EEIG2: variants seen among roughly 807,000 people sequenced by gnomAD.
EEIG2 encodes family with sequence similarity 102 member B.
chr1:108,588,787 C>A, the EEIG2 span, among the ~76,000 whole-genome samples: 2 of 149,868 alleles, frequency 1.3e-5, no homozygotes, highest in Non-Finnish European at 3.0e-5. Flanking sequence ...GGATATTAAC[C>A]CCTTATCAGC....
At chr1:108,605,264 A>G in the EEIG2 span, among the ~76,000 whole-genome samples, 1 of 152,206 alleles carries the variant, frequency 6.6e-6, no homozygotes, top group African/African-American at 2.4e-5. Flanking sequence ...ACTATTAAGG[A>G]ATATAACAGT....
chr1:108,560,394 C>G, the EEIG2 span: 1 of 1,536,980 alleles, frequency 6.5e-7, no homozygotes, highest in East Asian at 2.5e-5. Context: ...CGGCGCCCGG[C>G]CGTGCGCCCA....
At chr1:108,562,734 AGAG>A in the EEIG2 span, among the ~76,000 whole-genome samples, 1 of 152,340 alleles carries the variant, frequency 6.6e-6, no homozygotes, top group South Asian at 2.1e-4. Context: ...TGGCATTTAA[AGAG>A]GAGACCAGGA....
the EEIG2 span, among the ~76,000 whole-genome samples, chr1:108,589,463 G>A: frequency 6.6e-6 from 1 of 152,116 alleles, no homozygotes; most frequent in South Asian, 2.1e-4. Context: ...ACTTGCTAGT[G>A]TTATTAGTGA....
the EEIG2 span, among the ~76,000 whole-genome samples, chr1:108,569,198 G>T: frequency 1.3e-5 from 2 of 152,162 alleles, no homozygotes; most frequent in Non-Finnish European, 2.9e-5. Context: ...AAACAAATAA[G>T]TTCTAACATT....
the EEIG2 span, among the ~76,000 whole-genome samples, chr1:108,579,922 C>G: frequency 6.6e-6 from 1 of 152,000 alleles, no homozygotes; most frequent in African/African-American, 2.4e-5. Context: ...ATGCCACCAC[C>G]CCCAGATAAT....
chr1:108,572,473 A>G, the EEIG2 span, among the ~76,000 whole-genome samples: 2 of 151,532 alleles, frequency 1.3e-5, no homozygotes. Flanking sequence ...GGTGTTGTAC[A>G]TTCTAGGGGG....
chr1:108,600,473 T>G, the EEIG2 span: 3 of 1,408,952 alleles, frequency 2.1e-6, no homozygotes, highest in Non-Finnish European at 2.9e-6. Flanking sequence ...ACACATTACT[T>G]TTGCATGTTA....
chr1:108,579,772 T>TGAGATAGAGAGAGAGAGAGAGAGAGA, the EEIG2 span, among the ~76,000 whole-genome samples: 1 of 58,822 alleles, frequency 1.7e-5, no homozygotes, highest in Non-Finnish European at 3.3e-5. Flanking sequence ...TGTGTGTGTG[T>TGAGATAGAGAGAGAGAGAGAGAGAGA]GAGAGAGAGA....
At chr1:108,629,492 TAAAC>T in the EEIG2 span, 7 of 891,030 alleles carry the variant, frequency 7.9e-6, no homozygotes, top group South Asian at 1.9e-5. Flanking sequence ...ATTTCTCTAA[TAAAC>T]AATTGTAAAA....
the EEIG2 span, among the ~76,000 whole-genome samples, chr1:108,576,148 C>T: frequency 6.6e-6 from 1 of 152,130 alleles, no homozygotes; most frequent in Non-Finnish European, 1.5e-5. Flanking sequence ...TGCCTGGCTC[C>T]TAATAAAGCT....
chr1:108,635,289 G>T, the EEIG2 span: 3 of 1,077,042 alleles, frequency 2.8e-6, no homozygotes, highest in African/African-American at 4.7e-5. Flanking sequence ...TTCTCTGGAA[G>T]GACCCACCGC....
At chr1:108,578,632 G>A in the EEIG2 span, among the ~76,000 whole-genome samples, 1 of 151,810 alleles carries the variant, frequency 6.6e-6, no homozygotes, top group Non-Finnish European at 1.5e-5. Flanking sequence ...ACCCAGCCTT[G>A]CATCCCAGAT....
chr1:108,593,154 C>T, the EEIG2 span, among the ~76,000 whole-genome samples: 2 of 151,970 alleles, frequency 1.3e-5, no homozygotes, highest in Non-Finnish European at 1.5e-5. Context: ...GAGACTCTGT[C>T]TCCAAAAAAA....
chr1:108,633,191 CTG>C, the EEIG2 span, among the ~76,000 whole-genome samples: 17 of 152,262 alleles, frequency 1.1e-4, no homozygotes, highest in African/African-American at 2.6e-4. Context: ...CTGTTGACCT[CTG>C]TAAGTCTCAG....
chr1:108,616,995 G>T, the EEIG2 span, among the ~76,000 whole-genome samples: 1 of 152,178 alleles, frequency 6.6e-6, no homozygotes, highest in Non-Finnish European at 1.5e-5. Flanking sequence ...TATTTGAGTA[G>T]AGACCTGAAG....
At chr1:108,571,916 G>A in the EEIG2 span, among the ~76,000 whole-genome samples, 1 of 151,934 alleles carries the variant, frequency 6.6e-6, no homozygotes, top group African/African-American at 2.4e-5. Flanking sequence ...CTGTATCTTT[G>A]ATCCTGTCCT....
chr1:108,589,232 T>C, the EEIG2 span, among the ~76,000 whole-genome samples: 2 of 152,130 alleles, frequency 1.3e-5, no homozygotes, highest in Admixed American at 6.6e-5. Context: ...TCAAATCTTT[T>C]CTCCTTACTG....
chr1:108,628,819 G>A, the EEIG2 span: 1 of 1,602,600 alleles, frequency 6.2e-7, no homozygotes, highest in Non-Finnish European at 8.5e-7. Flanking sequence ...GTAGGTAACT[G>A]TTAAGCATAG....
Sources: allele counts gnomAD v4.1 joint callset (sites outside exome capture counted in the v4.1 genomes callset), GRCh38; gene constraint gnomAD v4.1.1; transcripts MANE v1.5; gene names NCBI Gene and HGNC (gene_info 2026-07-23, HGNC 2026-07-21).